The following EDA variants were observed in gnomAD, a reference collection of about 807,000 sequenced individuals.
The protein encoded by EDA is ectodysplasin A.
EDA carries 2 observed loss-of-function variants against 23.6 expected under a neutral mutation model. The ratio of observed to expected loss-of-function variants is 0.08; its 90% confidence interval spans 0.03 to 0.27. The LOEUF is 0.27. Among genes scored for constraint, EDA ranks in the 10% least tolerant of loss-of-function variants. The pLI, the probability that EDA is intolerant of heterozygous loss-of-function variation, is 1.00. For synonymous variants in EDA, 131 were observed against 132.0 expected (o/e 0.99, Z 0.05); for missense variants, 229 against 324.2 (o/e 0.71, Z 2.26).
chrX:69,905,540 A>T (rs1048103967), intron 1 of EDA, among the ~76,000 whole-genome samples: 2 of 110,824 alleles, frequency 1.8e-5, no homozygotes, highest in Non-Finnish European at 1.9e-5. Flanking sequence ...CAGCCTCTTC[A>T]TTGGGCCATG....
intron 1 of EDA, among the ~76,000 whole-genome samples, chrX:69,789,980 ACACTTTAGAAGATGTTTTCC>A (rs1827075446): frequency 8.9e-6 from 1 of 111,844 alleles, no homozygotes. Context: ...CTGTTTAAAA[ACACTTTAGAAGATGTTTTCC>A]CAGGTTTATT....
chrX:69,856,408 G>T (rs1435314063), intron 1 of EDA, among the ~76,000 whole-genome samples: 1 of 108,918 alleles, frequency 9.2e-6, no homozygotes, highest in Non-Finnish European at 1.9e-5. Flanking sequence ...TCAAATGGTA[G>T]ATCTACTTTT....
intron 1 of EDA, among the ~76,000 whole-genome samples, chrX:69,783,234 C>A (rs1382964467): frequency 9.0e-6 from 1 of 111,281 alleles, no homozygotes; most frequent in Non-Finnish European, 1.9e-5. Context: ...AGATGGAAAT[C>A]TTTAAGCAGT....
At chrX:69,696,466 A>G (rs938387639) in intron 1 of EDA, among the ~76,000 whole-genome samples, 2 of 111,592 alleles carry the variant, frequency 1.8e-5, no homozygotes, top group Non-Finnish European at 3.8e-5. Flanking sequence ...TATTTTTCAT[A>G]TAGTTTTTGG....
At chrX:69,756,238 T>A (rs966751352) in intron 1 of EDA, among the ~76,000 whole-genome samples, 1 of 112,609 alleles carries the variant, frequency 8.9e-6, no homozygotes, top group African/African-American at 3.2e-5. Flanking sequence ...AACTCTAAAT[T>A]TTTTATTGAA....
At chrX:69,822,281 A>T (rs1242402675) in intron 1 of EDA, among the ~76,000 whole-genome samples, 2 of 111,152 alleles carry the variant, frequency 1.8e-5, no homozygotes, top group Non-Finnish European at 3.8e-5. Flanking sequence ...ACAAAGTGAG[A>T]CCCTGTCTCT....
intron 1 of EDA, among the ~76,000 whole-genome samples, chrX:69,917,067 C>T (rs963746643): frequency 9.0e-6 from 1 of 110,644 alleles, no homozygotes; most frequent in African/African-American, 3.3e-5. Context: ...TCCCGAGTAG[C>T]TGGGATTACA....
chrX:69,852,469 A>G (rs2017157448), intron 1 of EDA, among the ~76,000 whole-genome samples: 2 of 111,999 alleles, frequency 1.8e-5, no homozygotes, highest in South Asian at 7.5e-4. Context: ...GCTACAAATA[A>G]TCAGACATCA....
chrX:69,819,048 T>C (rs972509205), intron 1 of EDA, among the ~76,000 whole-genome samples: 7 of 112,378 alleles, frequency 6.2e-5, no homozygotes, highest in Non-Finnish European at 1.3e-4. Flanking sequence ...ATCTCTGGGA[T>C]GCAGGGTTGG....
At chrX:69,951,626 T>C (rs1227681592) in intron 1 of EDA, among the ~76,000 whole-genome samples, 1 of 111,263 alleles carries the variant, frequency 9.0e-6, no homozygotes, top group Admixed American at 9.6e-5. Flanking sequence ...AAATAGAAAA[T>C]GAATTAAATT....
At chrX:69,873,316 T>C (rs936634416) in intron 1 of EDA, among the ~76,000 whole-genome samples, 2 of 111,073 alleles carry the variant, frequency 1.8e-5, no homozygotes, top group Non-Finnish European at 3.8e-5. Context: ...AAATAGACAA[T>C]CTAAGGTCAC....
intron 1 of EDA, among the ~76,000 whole-genome samples, chrX:69,790,630 G>A (rs2015377941): frequency 9.0e-6 from 1 of 111,158 alleles, no homozygotes; most frequent in Non-Finnish European, 1.9e-5. Context: ...AACTTTTGTT[G>A]GTGTTATTGT....
intron 1 of EDA, among the ~76,000 whole-genome samples, chrX:69,825,430 A>C (rs1277468224): frequency 1.8e-5 from 2 of 108,996 alleles, no homozygotes; most frequent in African/African-American, 3.4e-5. Flanking sequence ...GTCTTGGGAG[A>C]GTGTATGTGT....
intron 1 of EDA, among the ~76,000 whole-genome samples, chrX:69,754,734 C>T (rs1267651540): frequency 9.0e-6 from 1 of 111,567 alleles, no homozygotes; most frequent in African/African-American, 3.3e-5. Context: ...CACATAGTCC[C>T]ATATTTCTTG....
At chrX:69,660,610 C>T (rs1260147949) in intron 1 of EDA, among the ~76,000 whole-genome samples, 4 of 109,655 alleles carry the variant, frequency 3.6e-5, no homozygotes, top group East Asian at 2.9e-4. Context: ...TCTGTCATTG[C>T]GATAGTTTGC....
intron 1 of EDA, among the ~76,000 whole-genome samples, chrX:69,676,642 T>C (rs1351083337): frequency 9.0e-6 from 1 of 110,716 alleles, no homozygotes; most frequent in Non-Finnish European, 1.9e-5. Context: ...TGTTCAGTGG[T>C]GAATCAGATC....
intron 2 of EDA, among the ~76,000 whole-genome samples, chrX:69,961,759 A>C (rs376519048): frequency 1.8e-3 from 206 of 112,359 alleles, no homozygotes; most frequent in South Asian, 0.013. Flanking sequence ...AGTATTTCAG[A>C]TCGTTTAAGT....
intron 1 of EDA, among the ~76,000 whole-genome samples, chrX:69,941,265 G>C (rs992742163): frequency 8.9e-6 from 1 of 111,791 alleles, no homozygotes; most frequent in Non-Finnish European, 1.9e-5. Flanking sequence ...GAAATGTTAC[G>C]TGAATATCCA....
At chrX:69,960,906 C>G in intron 2 of EDA, among the ~76,000 whole-genome samples, 1 of 108,429 alleles carries the variant, frequency 9.2e-6, no homozygotes, top group Non-Finnish European at 1.9e-5. Context: ...GTAGTCCCAG[C>G]TACTCAGGAG....
Sources: allele counts gnomAD v4.1 joint callset (sites outside exome capture counted in the v4.1 genomes callset), GRCh38; gene constraint gnomAD v4.1.1; transcripts MANE v1.5; gene names NCBI Gene and HGNC (gene_info 2026-07-23, HGNC 2026-07-21).